The following DGKB variants were observed in gnomAD, a reference collection of about 807,000 sequenced individuals.
DGKB encodes the protein 90 kDa diacylglycerol kinase.
In DGKB, 67 loss-of-function variants were observed where a neutral mutation model predicts 114.3. The observed-to-expected ratio is 0.59, with a 90% CI of 0.48 to 0.72. The LOEUF (loss-of-function observed/expected upper bound fraction) is 0.72, where lower values mean the gene tolerates loss of function less well. DGKB is among the 30% of genes least tolerant of loss of function. The pLI, the probability that DGKB is intolerant of heterozygous loss-of-function variation, is 0.00. For missense variants in DGKB, 907 were observed against 975.2 expected (o/e 0.93, Z 0.93); for synonymous variants, 398 against 323.1 (o/e 1.23, Z -2.49).
At chr7:14,535,074 TA>T (rs1792207134) in intron 20 of DGKB, among the ~76,000 whole-genome samples, 1 of 152,070 alleles carries the variant, frequency 6.6e-6, no homozygotes, top group African/African-American at 2.4e-5. Context: ...ATATCTCTTT[TA>T]AAAAGAATAA....
chr7:14,453,864 C>G (rs1043331731), intron 21 of DGKB, among the ~76,000 whole-genome samples: 2 of 152,128 alleles, frequency 1.3e-5, no homozygotes, highest in Non-Finnish European at 2.9e-5. Flanking sequence ...AGGGCCAGAA[C>G]TGGCATATGG....
intron 2 of DGKB, among the ~76,000 whole-genome samples, chr7:14,804,318 C>G (rs201878935): frequency 6.6e-6 from 1 of 151,594 alleles, no homozygotes. Context: ...TTTTTTTTCT[C>G]TAGTCGGTTT....
intron 20 of DGKB, among the ~76,000 whole-genome samples, chr7:14,513,940 G>T (rs546387060): frequency 6.6e-6 from 1 of 151,704 alleles, no homozygotes; most frequent in African/African-American, 2.4e-5. Flanking sequence ...ATTGCTTTTG[G>T]TCTACTGACA....
rs557278580 is a variant in DGKB at position 14,379,425 on chromosome 7, T to C, written c.1836-34034A>G. The stretch of plus-strand genomic sequence containing the variant: ...TTTTTTTTTTTTTTTTTTTCCACTT[T>C]CTGTTTCTTGCTAGTTATTGAGAAA... On this transcript the variant is annotated intron_variant, in intron 21 of 25. Transcript: ENST00000402815. Among the ~76,000 whole-genome samples the C allele has an allele frequency of 8.6e-5, 13 of 151,934 alleles. No homozygotes were observed. The South Asian group carries it at 2.5e-3, about 29-fold the overall frequency.
chr7:14,464,593 A>C (rs972611136), intron 21 of DGKB, among the ~76,000 whole-genome samples: 4 of 152,214 alleles, frequency 2.6e-5, no homozygotes, highest in African/African-American at 9.6e-5. Flanking sequence ...TTATTCTTTA[A>C]AAGCATATAA....
At chr7:14,903,792 G>A (rs1201840606), upstream of DGKB, among the ~76,000 whole-genome samples, 2 of 152,186 alleles carry the variant, frequency 1.3e-5, 1 homozygote, top group Non-Finnish European at 2.9e-5. Context: ...AAAAATGTAA[G>A]TAAGTCAATA....
chr7:14,955,131 G>T (rs1037695894), intron 1 of DGKB, among the ~76,000 whole-genome samples: 3 of 151,996 alleles, frequency 2.0e-5, no homozygotes, highest in East Asian at 1.9e-4. Context: ...TAAAAAAATT[G>T]CTGAGAAATA....
At chr7:14,207,052 G>C (rs1000807617) in intron 23 of DGKB, among the ~76,000 whole-genome samples, 1 of 151,996 alleles carries the variant, frequency 6.6e-6, no homozygotes, top group African/African-American at 2.4e-5. Flanking sequence ...CTCTTACTGG[G>C]AGTTGAAGAG....
rs1554345174 is a variant in DGKB, at chr7:14,919,091, C to CAA, written c.-188+55604_-188+55605insTT. Among the ~76,000 whole-genome samples, 86 of 124,156 alleles carry CAA rather than the reference C, an allele frequency of 6.9e-4. No individual in the cohort carries two copies. The East Asian group carries it at 0.016, about 24-fold the overall frequency. 81.5% of individuals were successfully genotyped at this position (124,156 alleles called of 152,430 possible). A position where few individuals can be genotyped will look rare whatever the true frequency, so the allele number is the denominator to read the frequency against. On this transcript the variant is annotated intron_variant, in intron 1 of 4. Coordinates refer to the DGKB transcript ENST00000437998. ...ACACACACACACACACACACACACA[C>CAA]ACAAACACACACACACACACACACA...
chr7:14,653,424 A>G (rs1190831808), intron 13 of DGKB, among the ~76,000 whole-genome samples: 5 of 151,986 alleles, frequency 3.3e-5, no homozygotes, highest in Admixed American at 2.6e-4. Context: ...CAAACACCGC[A>G]TATTCTCACT....
chr7:14,253,055 G>A (rs184497648), intron 23 of DGKB, among the ~76,000 whole-genome samples: 2 of 150,704 alleles, frequency 1.3e-5, no homozygotes, highest in Non-Finnish European at 3.0e-5. Flanking sequence ...TTTTTTTAGA[G>A]GGGGAGTCTC....
intron 20 of DGKB, among the ~76,000 whole-genome samples, chr7:14,567,749 G>C (rs574080089): frequency 6.6e-6 from 1 of 150,496 alleles, no homozygotes; most frequent in East Asian, 2.0e-4. Context: ...TGGGACTACA[G>C]GCATGTGCCT....
intron 24 of DGKB, among the ~76,000 whole-genome samples, chr7:14,177,554 C>CAAAAAAAAAA (rs56019837): frequency 1.0e-4 from 7 of 69,018 alleles, no homozygotes; most frequent in Admixed American, 7.0e-4. Flanking sequence ...AACTCCGTCT[C>CAAAAAAAAAA]AAAAAAAAAA....
chr7:14,818,807 T>C (rs1291313556), intron 2 of DGKB, among the ~76,000 whole-genome samples: 3 of 152,146 alleles, frequency 2.0e-5, no homozygotes, highest in African/African-American at 7.2e-5. Flanking sequence ...GACTGCTGTA[T>C]GCTCAAAATT....
chr7:14,720,505 GTGTGTGTGTGTGTA>G (rs780020601), intron 5 of DGKB, among the ~76,000 whole-genome samples: 2 of 122,338 alleles, frequency 1.6e-5, no homozygotes, highest in Non-Finnish European at 3.7e-5. Context: ...GTGTGTGTGT[GTGTGTGTGTGTGTA>G]TGTTTAGTAG....
chr7:14,894,341 A>G (rs956995148), intron 1 of DGKB, among the ~76,000 whole-genome samples: 27 of 151,418 alleles, frequency 1.8e-4, no homozygotes, highest in Admixed American at 1.5e-3. Context: ...AGCAAAACGC[A>G]TATTAGAGAA....
chr7:14,345,415 C>T (rs1812319134), intron 21 of DGKB, 24 bp from the exon 22 acceptor site: 1 of 1,281,160 alleles, frequency 7.8e-7, no homozygotes, highest in African/African-American at 1.5e-5. Flanking sequence ...GGAAGAAGCA[C>T]CTTAGGCAAT....
At chr7:14,610,033 A>G (rs1404122236) in intron 16 of DGKB, among the ~76,000 whole-genome samples, 1 of 152,074 alleles carries the variant, frequency 6.6e-6, no homozygotes, top group Non-Finnish European at 1.5e-5. Flanking sequence ...GTAAACTCGA[A>G]GGAAAACATA....
intron 23 of DGKB, among the ~76,000 whole-genome samples, chr7:14,229,711 C>T (rs1791412191): frequency 1.3e-5 from 2 of 151,900 alleles, no homozygotes; most frequent in African/African-American, 2.4e-5. Context: ...TTACAAAATA[C>T]ACTTATGATC....
Sources: gnomAD v4.1 joint callset for allele counts (sites outside exome capture counted in the v4.1 genomes callset) on GRCh38, gnomAD v4.1.1 for gene constraint, MANE v1.5 for transcripts, NCBI Gene and HGNC (gene_info 2026-07-23, HGNC 2026-07-21) for gene names.